NAV3: variants seen among roughly 807,000 people sequenced by gnomAD.
NAV3 encodes neuron navigator 3.
A neutral mutation model predicts 244.7 loss-of-function variants in NAV3; 87 were observed. The observed-to-expected ratio is 0.36, with a 90% CI of 0.30 to 0.42. The LOEUF (loss-of-function observed/expected upper bound fraction) is 0.42, where lower values mean the gene tolerates loss of function less well. Among genes scored for constraint, NAV3 ranks in the 20% least tolerant of loss-of-function variants. NAV3 has a pLI of 1.00. For synonymous variants in NAV3, 1,126 were observed against 1,042.2 expected (o/e 1.08, Z -1.55); for missense variants, 2,663 against 2,893.3 (o/e 0.92, Z 1.83).
At chr12:77,808,734 C>T (rs1048111667) in intron 2 of NAV3, among the ~76,000 whole-genome samples, 5 of 152,222 alleles carry the variant, frequency 3.3e-5, no homozygotes, top group East Asian at 1.9e-4. Flanking sequence ...TCTTCAGAGA[C>T]GGCAAGCAGG....
rs975577007 is a variant in NAV3 at position 77,729,091 on chromosome 12, T to C, written c.72+156825T>C. Among the ~76,000 whole-genome samples, 3 of 152,080 alleles carry C rather than the reference T, an allele frequency of 2.0e-5. No individual in the cohort carries two copies. In the East Asian group the frequency reaches 5.8e-4, roughly 29 times the overall value. On this transcript the variant is annotated intron_variant, in intron 2 of 8. Coordinates refer to the NAV3 transcript ENST00000550042. ...ATGCAAAATATATGTTAATTGGCTATGTTATCAGTAAGGCTTCCAGTCAAC... is the reference window on the plus strand; with the variant it reads ...ATGCAAAATATATGTTAATTGGCTACGTTATCAGTAAGGCTTCCAGTCAAC...
chr12:77,647,349 T>A (rs1385115280), intron 2 of NAV3, among the ~76,000 whole-genome samples: 1 of 152,124 alleles, frequency 6.6e-6, no homozygotes, highest in African/African-American at 2.4e-5. Context: ...TACACCAAAT[T>A]ACATTTTATC....
intron 39 of NAV3, 22 bp from the exon 40 acceptor site, chr12:78,210,376 G>A (rs2140138012): frequency 6.2e-7 from 1 of 1,612,894 alleles, no homozygotes; most frequent in Non-Finnish European, 8.5e-7. Context: ...TGCCTACATC[G>A]ATGTCTTTTT....
intron 1 of NAV3, among the ~76,000 whole-genome samples, chr12:77,870,218 A>G (rs1435946910): frequency 2.0e-5 from 3 of 151,924 alleles, no homozygotes; most frequent in African/African-American, 7.2e-5. Flanking sequence ...TACAAAAATT[A>G]CCTCAGTATG....
chr12:77,968,006 T>C (rs1009555443), intron 4 of NAV3, among the ~76,000 whole-genome samples: 4 of 152,042 alleles, frequency 2.6e-5, no homozygotes, highest in Non-Finnish European at 5.9e-5. Context: ...AGTTGGTGAG[T>C]GGGTGATTTA....
chr12:77,925,859 G>A (rs1437882393), intron 1 of NAV3, among the ~76,000 whole-genome samples: 1 of 152,020 alleles, frequency 6.6e-6, no homozygotes, highest in Non-Finnish European at 1.5e-5. Flanking sequence ...TCACCAATAT[G>A]TTTTGCTATA....
chr12:78,021,404 T>A (rs543420475), intron 8 of NAV3, among the ~76,000 whole-genome samples: 106 of 152,286 alleles, frequency 7.0e-4, no homozygotes, highest in Middle Eastern at 3.4e-3. Context: ...CTTTCACTAT[T>A]CTCACAAAAA....
chr12:77,659,971 A>AG (rs554535442), intron 2 of NAV3, among the ~76,000 whole-genome samples: 1 of 60,322 alleles, frequency 1.7e-5, no homozygotes, highest in Admixed American at 2.0e-4. Flanking sequence ...GGGTAGGGGG[A>AG]GGGGGGAGGG....
At chr12:78,183,122 A>G (rs1958568204) in intron 30 of NAV3, among the ~76,000 whole-genome samples, 2 of 152,096 alleles carry the variant, frequency 1.3e-5, no homozygotes, top group South Asian at 2.1e-4. Context: ...TTTTCCTTCA[A>G]AATATAGACA....
chr12:77,593,779 C>T (rs1228675914), intron 2 of NAV3, among the ~76,000 whole-genome samples: 1 of 151,820 alleles, frequency 6.6e-6, no homozygotes, highest in Admixed American at 6.6e-5. Context: ...CAGCCTCTCC[C>T]TTGTGATTTT....
chr12:78,073,740 C>G (rs1347780572), intron 12 of NAV3, among the ~76,000 whole-genome samples: 3 of 152,082 alleles, frequency 2.0e-5, no homozygotes, highest in Non-Finnish European at 4.4e-5. Flanking sequence ...CAAGTCAATC[C>G]TAAGCCAAAA....
At chr12:78,197,201 G>A in intron 34 of NAV3, 46 bp from the exon 35 acceptor site, 2 of 1,413,014 alleles carry the variant, frequency 1.4e-6, no homozygotes, top group Non-Finnish European at 1.9e-6. Context: ...CTTCCTATTA[G>A]TATAAATTTA....
rs192227436 is a variant in NAV3 at position 78,210,618 on chromosome 12, A to C, written c.*101A>C. On this transcript the variant is annotated 3_prime_UTR_variant, in exon 40 of 40. Transcript: ENST00000397909. ...CTGCCAGTATAAAAGCACCCTGTCA[A>C]GGGCCCTGACCCAGAGTTGTGGTCT... 517 of 1,408,212 alleles carry C rather than the reference A, an allele frequency of 3.7e-4. 3 individuals carry two copies. In the African/African-American group the frequency reaches 6.7e-3, roughly 18 times the overall value. The allele number at this position is 1,408,212 out of a possible 1,614,324, so 87.2% of individuals were successfully genotyped here. A position where few individuals can be genotyped will look rare whatever the true frequency, so the allele number is the denominator to read the frequency against.
chr12:78,206,456 GT>G (rs1274844058), intron 39 of NAV3, among the ~76,000 whole-genome samples: 4 of 152,120 alleles, frequency 2.6e-5, no homozygotes. Context: ...TACCTCTGCA[GT>G]TTTTATATAA....
At chr12:77,693,369 T>A (rs1315092395) in intron 2 of NAV3, among the ~76,000 whole-genome samples, 2 of 151,968 alleles carry the variant, frequency 1.3e-5, no homozygotes, top group African/African-American at 2.4e-5. Context: ...AACCTCATAG[T>A]CCTTGCTATG....
chr12:77,976,192 G>A (rs1162618298), intron 5 of NAV3, among the ~76,000 whole-genome samples: 1 of 152,176 alleles, frequency 6.6e-6, no homozygotes, highest in East Asian at 1.9e-4. Flanking sequence ...TGCCATGTGA[G>A]CTTTGAAATA....
chr12:77,866,806 C>G (rs1227977434), intron 1 of NAV3, among the ~76,000 whole-genome samples: 3 of 152,166 alleles, frequency 2.0e-5, no homozygotes, highest in Non-Finnish European at 4.4e-5. Flanking sequence ...GATCTATAGT[C>G]AAATTCTTCC....
At chr12:78,177,482 T>C in intron 27 of NAV3, 138 bp from the exon 28 acceptor site, 1 of 1,129,648 alleles carries the variant, frequency 8.9e-7, no homozygotes, top group Non-Finnish European at 1.2e-6. Flanking sequence ...GTTTCTTTCA[T>C]TTTCATTTTT....
intron 5 of NAV3, among the ~76,000 whole-genome samples, chr12:77,978,184 C>T (rs1344715428): frequency 6.6e-6 from 1 of 152,106 alleles, no homozygotes; most frequent in Non-Finnish European, 1.5e-5. Flanking sequence ...GAGATTAACT[C>T]TTAATTTAAG....
Sources: gnomAD v4.1 joint callset for allele counts (sites outside exome capture counted in the v4.1 genomes callset) on GRCh38, gnomAD v4.1.1 for gene constraint, MANE v1.5 for transcripts, NCBI Gene and HGNC (gene_info 2026-07-23, HGNC 2026-07-21) for gene names.